Variants in EDIL3 observed in about 807,000 individuals in gnomAD.
The protein encoded by EDIL3 is EGF-like repeat and discoidin I-like domain-containing protein 3.
In EDIL3, 37 loss-of-function variants were observed where a neutral mutation model predicts 67.4. The ratio of observed to expected loss-of-function variants is 0.55; its 90% CI spans 0.42 to 0.72. EDIL3 has a LOEUF of 0.72. Among genes scored for constraint, EDIL3 ranks in the 30% least tolerant of loss-of-function variants. EDIL3 has a pLI of 0.00. For synonymous variants in EDIL3, 195 were observed against 196.3 expected, an observed-to-expected ratio of 0.99 and a Z score of 0.05; for missense variants, 527 against 586.3, an observed-to-expected ratio of 0.90 and a Z score of 1.04.
At chr5:84,369,213 G>A (rs1048092118) in intron 1 of EDIL3, among the ~76,000 whole-genome samples, 1 of 147,082 alleles carries the variant, frequency 6.8e-6, no homozygotes, top group Admixed American at 6.9e-5. Flanking sequence ...GAATATATAT[G>A]TATATATAAT....
At chr5:83,979,511 T>A (rs1744929368) in intron 9 of EDIL3, among the ~76,000 whole-genome samples, 2 of 152,032 alleles carry the variant, frequency 1.3e-5, no homozygotes, top group African/African-American at 4.8e-5. Flanking sequence ...ATAAAGTCTA[T>A]GAACAGAATT....
intron 9 of EDIL3, among the ~76,000 whole-genome samples, chr5:84,033,681 GCGACAGAGCCAGA>G (rs1745968255): frequency 7.0e-6 from 1 of 141,930 alleles, no homozygotes; most frequent in Non-Finnish European, 1.5e-5. Flanking sequence ...TCCAACCTGG[GCGACAGAGCCAGA>G]CATTGTCTCT....
intron 1 of EDIL3, among the ~76,000 whole-genome samples, chr5:84,266,295 T>C (rs937922052): frequency 1.3e-5 from 2 of 152,292 alleles, no homozygotes; most frequent in African/African-American, 4.8e-5. Context: ...ATTTTTGTGA[T>C]GATTTGGTCC....
chr5:84,345,444 G>A (rs924095580), intron 1 of EDIL3, among the ~76,000 whole-genome samples: 3 of 152,118 alleles, frequency 2.0e-5, no homozygotes, highest in Non-Finnish European at 4.4e-5. Flanking sequence ...TATGACTTAG[G>A]TTGAATTTAA....
chr5:84,162,662 C>A lies in EDIL3; in HGVS notation c.355+17731G>T, dbSNP rs79864522. On this transcript the variant is annotated intron_variant, in intron 4 of 10. Coordinates refer to ENST00000296591, the MANE Select transcript of EDIL3 (RefSeq NM_005711.5). The stretch of plus-strand genomic sequence containing the variant: ...GAGCACCATGTTGATTGCACAGGGA[C>A]CTTCTCTGGATTTTCCTCTTGGGCT... Among the ~76,000 whole-genome samples the A allele has an allele frequency of 6.2e-3, 942 of 152,160 alleles. 10 individuals carry two copies. Among genetic ancestry groups the A allele is most frequent in the African/African-American group, 0.021 (871 of 41,516 alleles).
At chr5:84,334,973 T>C (rs943536915) in intron 1 of EDIL3, among the ~76,000 whole-genome samples, 3 of 152,182 alleles carry the variant, frequency 2.0e-5, no homozygotes, top group Non-Finnish European at 2.9e-5. Flanking sequence ...AAGACAGATA[T>C]TATTTTTTTT....
At chr5:83,996,513 G>T (rs571729855) in intron 9 of EDIL3, among the ~76,000 whole-genome samples, 1 of 152,276 alleles carries the variant, frequency 6.6e-6, no homozygotes, top group South Asian at 2.1e-4. Flanking sequence ...AGCAGACATA[G>T]CAACAGTGAC....
chr5:84,373,654 A>G (rs1365327130), intron 1 of EDIL3, among the ~76,000 whole-genome samples: 2 of 152,202 alleles, frequency 1.3e-5, no homozygotes, highest in African/African-American at 4.8e-5. Flanking sequence ...TCAACAGAGA[A>G]ATTTGTAAGT....
At chr5:84,197,314 A>G (rs1743730469) in intron 3 of EDIL3, among the ~76,000 whole-genome samples, 1 of 152,012 alleles carries the variant, frequency 6.6e-6, no homozygotes, top group African/African-American at 2.4e-5. Flanking sequence ...CTTGGGTATG[A>G]CATCCTAGAG....
intron 9 of EDIL3, among the ~76,000 whole-genome samples, chr5:83,971,387 T>C (rs1744790041): frequency 6.6e-6 from 1 of 151,664 alleles, no homozygotes; most frequent in Admixed American, 6.6e-5. Flanking sequence ...AGCCATCCTC[T>C]TGTCTCAGCC....
chr5:84,115,123 C>T (rs1368905928), intron 5 of EDIL3, among the ~76,000 whole-genome samples: 1 of 152,152 alleles, frequency 6.6e-6, no homozygotes, highest in African/African-American at 2.4e-5. Context: ...TATTATCACT[C>T]TAAGGATTCA....
chr5:84,186,421 T>C (rs1390812097), intron 3 of EDIL3, among the ~76,000 whole-genome samples: 3 of 152,062 alleles, frequency 2.0e-5, no homozygotes, highest in African/African-American at 7.2e-5. Flanking sequence ...GCACTTTGTA[T>C]GGTATTAAAA....
chr5:84,292,985 G>C (rs1208075524), intron 1 of EDIL3, among the ~76,000 whole-genome samples: 1 of 152,110 alleles, frequency 6.6e-6, no homozygotes, highest in Non-Finnish European at 1.5e-5. Flanking sequence ...GTTGCCTAAA[G>C]TTTCATTATC....
Position 84,064,860 on chromosome 5 carries a change from T to G in EDIL3, c.808-16A>C, listed in dbSNP as rs764178638. The G allele has an allele frequency of 1.3e-6, 2 of 1,599,624 alleles. No individual in the cohort carries two copies. The highest frequency in any genetic ancestry group is 1.7e-6 in the Non-Finnish European group (2 of 1,171,870). On this transcript the variant is annotated splice_polypyrimidine_tract_variant and intron_variant, in intron 7 of 10. Coordinates refer to ENST00000296591, the MANE Select transcript of EDIL3 (RefSeq NM_005711.5). Reference sequence around the variant, plus strand: ...CACGAAACACCTGTGTAAAAACAGTTTAAAATTATTCACTGCAACAGCTTA... The same window carrying G: ...CACGAAACACCTGTGTAAAAACAGTGTAAAATTATTCACTGCAACAGCTTA...
chr5:84,351,237 T>G (rs1248735091), intron 1 of EDIL3, among the ~76,000 whole-genome samples: 1 of 152,186 alleles, frequency 6.6e-6, no homozygotes, highest in Admixed American at 6.6e-5. Context: ...TTTTGACTCT[T>G]GGCAGGGTTT....
intron 3 of EDIL3, among the ~76,000 whole-genome samples, chr5:84,205,118 G>A (rs1002450486): frequency 7.2e-6 from 1 of 139,528 alleles, no homozygotes; most frequent in Non-Finnish European, 1.5e-5. Flanking sequence ...GTCTCACCTT[G>A]TTGCCCAGGC....
chr5:84,084,479 C>T (rs948049613), intron 6 of EDIL3, among the ~76,000 whole-genome samples: 22 of 152,154 alleles, frequency 1.4e-4, no homozygotes, highest in African/African-American at 5.1e-4. Flanking sequence ...ATCTGTAACA[C>T]AAGTTTTACA....
chr5:84,102,040 A>G (rs1000568846), intron 6 of EDIL3, among the ~76,000 whole-genome samples: 3 of 152,284 alleles, frequency 2.0e-5, no homozygotes, highest in Non-Finnish European at 4.4e-5. Flanking sequence ...AGAGTGAATA[A>G]TCACATAAAC....
intron 1 of EDIL3, among the ~76,000 whole-genome samples, chr5:84,280,947 C>CA (rs11302104): frequency 0.015 from 1,044 of 69,980 alleles, 9 homozygotes; most frequent in African/African-American, 0.04. Flanking sequence ...AAGACTCTGT[C>CA]AAAAAAAAAA....
Sources: gnomAD v4.1 joint callset for allele counts (sites outside exome capture counted in the v4.1 genomes callset) on GRCh38, gnomAD v4.1.1 for gene constraint, MANE v1.5 for transcripts, NCBI Gene and HGNC (gene_info 2026-07-23, HGNC 2026-07-21) for gene names.